Variants in ZNF627 observed in about 807,000 individuals in gnomAD.
ZNF627 encodes the protein zinc finger protein 627.
Under a neutral mutation model 10.6 loss-of-function variants are expected in ZNF627, and 12 were observed. That is an observed-to-expected ratio of 1.13 (90% CI 0.73 to 1.84). The LOEUF (loss-of-function observed/expected upper bound fraction) is 1.84, where lower values mean the gene tolerates loss of function less well. Ranked by LOEUF, ZNF627 falls within the 40% of genes most tolerant of loss-of-function variation. ZNF627 has a pLI of 0.00. For missense variants in ZNF627, 504 were observed against 568.4 expected, an observed-to-expected ratio of 0.89 and a Z score of 1.15; for synonymous variants, 176 against 187.1, an observed-to-expected ratio of 0.94 and a Z score of 0.48.
intron 1 of ZNF627, among the ~76,000 whole-genome samples, chr19:11,600,446 A>G (rs990895794): frequency 1.3e-5 from 2 of 152,184 alleles, no homozygotes; most frequent in African/African-American, 4.8e-5. Flanking sequence ...TCTCAAAAAA[A>G]AAATTATTAT....
intron 1 of ZNF627, among the ~76,000 whole-genome samples, chr19:11,602,624 T>A (rs746338043): frequency 6.6e-6 from 1 of 152,208 alleles, no homozygotes; most frequent in South Asian, 2.1e-4. Flanking sequence ...GGCACTGTTA[T>A]GGTAATGAGC....
chr19:11,603,100 G>A (rs919069542), intron 1 of ZNF627, among the ~76,000 whole-genome samples: 3 of 152,070 alleles, frequency 2.0e-5, no homozygotes, highest in African/African-American at 7.2e-5. Flanking sequence ...TTAATATTAT[G>A]CCAAAAAGAG....
chr19:11,612,422 C>CTT (rs759276399), intron 1 of ZNF627, among the ~76,000 whole-genome samples: 1,156 of 98,740 alleles, frequency 0.012, 23 homozygotes, highest in African/African-American at 0.026. Context: ...GCCCGGCCTG[C>CTT]TTTTTTTTTT....
In ZNF627 at chr19:11,617,998, A is replaced by C. The variant is rs1324863211; in HGVS notation, c.*109A>C. On this transcript the variant is annotated 3_prime_UTR_variant, in exon 4 of 4. Transcript: ENST00000361113. ...GTGAAAGGATTCACAGTGGAGAAAG[A>C]CCCTGTAAGATAATTGGCTTTAAAT... is the stretch of plus-strand genomic sequence containing the variant. 1.1e-6 allele frequency: 1 copy of C among 925,122 alleles called. No homozygotes were observed. Among genetic ancestry groups the C allele is most frequent in the Non-Finnish European group, 1.6e-6 (1 of 641,684 alleles). 57.3% of individuals were successfully genotyped at this position (925,122 alleles called of 1,614,324 possible).
intron 1 of ZNF627, among the ~76,000 whole-genome samples, chr19:11,612,126 T>TTTTTC (rs1408266718): frequency 7.2e-6 from 1 of 139,370 alleles, no homozygotes; most frequent in Non-Finnish European, 1.6e-5. Context: ...TGCTTTTTTT[T>TTTTTC]TTTTTTTTTT....
chr19:11,606,355 A>T (rs1215601972), intron 1 of ZNF627, among the ~76,000 whole-genome samples: 1 of 151,948 alleles, frequency 6.6e-6, no homozygotes, highest in African/African-American at 2.4e-5. Context: ...AAAAGAAAGA[A>T]AAAAAGAATC....
At position 11,617,894 on chromosome 19, in the gene ZNF627, G is replaced by T; in HGVS notation, c.*5G>T. The stretch of plus-strand genomic sequence containing the variant: ...GTTGTCCCAGTTCTTTCATGAGCAT[G>T]AAAGGAGTCACATAGAGAAACCCCA... On this transcript the variant is annotated 3_prime_UTR_variant, in exon 4 of 4. Coordinates refer to ENST00000361113, the MANE Select transcript of ZNF627 (RefSeq NM_145295.4). 6.6e-7 allele frequency: 1 copy of T among 1,523,294 alleles called. No individual in the cohort carries two copies. The highest frequency in any genetic ancestry group is 8.7e-7 in the Non-Finnish European group (1 of 1,146,344). The allele number at this position is 1,523,294 out of a possible 1,614,324, so 94.4% of individuals were successfully genotyped here.
chr19:11,598,526 A>T (rs8106114), intron 1 of ZNF627, among the ~76,000 whole-genome samples: 62,671 of 152,016 alleles, frequency 0.41, 13,179 homozygotes, highest in Non-Finnish European at 0.46. Context: ...AATTGTCTCC[A>T]AATTAATTAT....
At chr19:11,610,525 C>T (rs1973755806) in intron 1 of ZNF627, among the ~76,000 whole-genome samples, 1 of 152,056 alleles carries the variant, frequency 6.6e-6, no homozygotes, top group South Asian at 2.1e-4. Flanking sequence ...TCATCTGAGC[C>T]TAGGGAGGTC....
chr19:11,617,635 T>C lies in ZNF627; in HGVS notation c.1132T>C (p.Phe378Leu). The C allele has an allele frequency of 6.2e-7, 1 of 1,613,584 alleles. No individual in the cohort carries two copies. The highest frequency in any genetic ancestry group is 8.5e-7 in the Non-Finnish European group (1 of 1,179,856). The change falls in exon 4 of 4, where the codon TTT (phenylalanine) becomes CTT (leucine). Residue 378 changes from phenylalanine (F) to leucine (L), a missense_variant. Phe to Leu is a conservative substitution (Grantham distance 22). Coordinates refer to ENST00000361113, the MANE Select transcript of ZNF627 (RefSeq NM_145295.4). ...CGKAFSCSSS[F>L]RKHERIHTGE... is the part of the protein sequence containing the mutation. Reference sequence around the variant, plus strand: ...GAAAGCCTTCAGTTGTTCCAGTTCGTTTCGAAAACATGAAAGAATTCACAC... The same window carrying C: ...GAAAGCCTTCAGTTGTTCCAGTTCGCTTCGAAAACATGAAAGAATTCACAC...
At position 11,619,115 on chromosome 19, in the gene ZNF627, A is replaced by G. The variant is rs979326842; in HGVS notation, c.*1226A>G. 2.0e-5 allele frequency: 3 copies of G among 152,208 alleles called. No individual in the cohort carries two copies. The highest frequency in any genetic ancestry group is 7.2e-5 in the African/African-American group (3 of 41,454). The allele number at this position is 152,208 out of a possible 1,614,324, so 9.4% of individuals were successfully genotyped here. ...CAAAGAGGGTGTAATAAACTGTAAT[A>G]ATAATCATGACCACAAACCATAAAG... On this transcript the variant is annotated 3_prime_UTR_variant, in exon 4 of 4. Coordinates refer to ENST00000361113, the MANE Select transcript of ZNF627 (RefSeq NM_145295.4).
chr19:11,604,926 G>GTC (rs1299300044), intron 1 of ZNF627, among the ~76,000 whole-genome samples: 4 of 152,002 alleles, frequency 2.6e-5, no homozygotes, highest in African/African-American at 9.7e-5. Flanking sequence ...GGTAGGAGGA[G>GTC]TCTCTATAAA....
At position 11,617,579 on chromosome 19, in the gene ZNF627, G is replaced by A; in HGVS notation, c.1076G>A (p.Gly359Glu). 6.2e-7 allele frequency: 1 copy of A among 1,613,904 alleles called. No individual in the cohort carries two copies. Among genetic ancestry groups the A allele is most frequent in the Non-Finnish European group, 8.5e-7 (1 of 1,179,960 alleles). ...SFRIHERTHT[G>E]EKPYDCKQCG... is the part of the protein sequence containing the mutation. ...CGAATCCATGAAAGGACCCACACTG[G>A]AGAGAAACCCTATGATTGTAAGCAA... The change falls in exon 4 of 4, where the codon GGA becomes GAA. Residue 359 changes from glycine to glutamate, a missense_variant. Coordinates refer to ENST00000361113, the MANE Select transcript of ZNF627 (RefSeq NM_145295.4).
chr19:11,599,709 C>T (rs771518544), intron 1 of ZNF627, among the ~76,000 whole-genome samples: 1 of 152,036 alleles, frequency 6.6e-6, no homozygotes, highest in African/African-American at 2.4e-5. Context: ...AGTTCGAGAC[C>T]AGCCCGGCCA....
intron 3 of ZNF627, among the ~76,000 whole-genome samples, chr19:11,616,180 C>A (rs768437355): frequency 6.6e-6 from 1 of 151,278 alleles, no homozygotes; most frequent in African/African-American, 2.4e-5. Flanking sequence ...TGGGATTACA[C>A]GCGTGCTCCA....
intron 1 of ZNF627, among the ~76,000 whole-genome samples, chr19:11,600,195 C>T (rs1973560906): frequency 6.6e-6 from 1 of 152,088 alleles, no homozygotes; most frequent in South Asian, 2.1e-4. Context: ...AATCCCAGCA[C>T]TTTGGGAGGC....
chr19:11,608,952 A>G (rs1471110), intron 1 of ZNF627, among the ~76,000 whole-genome samples: 23,236 of 152,064 alleles, frequency 0.15, 2,039 homozygotes, highest in South Asian at 0.21. Context: ...GCTCACTGCA[A>G]TCTCCGCCTT....
At chr19:11,612,899 T>C (rs576623090) in intron 1 of ZNF627, among the ~76,000 whole-genome samples, 19 of 151,864 alleles carry the variant, frequency 1.3e-4, no homozygotes, top group African/African-American at 4.3e-4. Context: ...ATAGGTTTCT[T>C]TTCCACCCTC....
At chr19:11,609,120 C>G (rs529747939) in intron 1 of ZNF627, among the ~76,000 whole-genome samples, 1 of 152,224 alleles carries the variant, frequency 6.6e-6, no homozygotes, top group East Asian at 1.9e-4. Flanking sequence ...GTGTGCCCAC[C>G]TCAGCCTCCC....
Sources: allele counts gnomAD v4.1 joint callset (sites outside exome capture counted in the v4.1 genomes callset), GRCh38; gene constraint gnomAD v4.1.1; transcripts MANE v1.5; gene names NCBI Gene and HGNC (gene_info 2026-07-23, HGNC 2026-07-21).